SYPL1: variants seen among roughly 807,000 people sequenced by gnomAD.
SYPL1 encodes the protein synaptophysin-like protein 1.
Under a neutral mutation model 23.7 loss-of-function variants are expected in SYPL1, and 6 were observed. The observed-to-expected ratio is 0.25, with a 90% CI of 0.14 to 0.50. The LOEUF (loss-of-function observed/expected upper bound fraction) is 0.50, where lower values mean the gene tolerates loss of function less well. Ranked by LOEUF, SYPL1 falls within the 20% of genes least tolerant of loss-of-function variation. SYPL1 has a pLI of 0.98. For missense variants in SYPL1, 253 were observed against 288.9 expected (o/e 0.88, Z 0.90); for synonymous variants, 102 against 104.5 (o/e 0.98, Z 0.15).
chr7:106,097,566 G>T lies in SYPL1; in HGVS notation c.402+124C>A. The stretch of plus-strand genomic sequence containing the variant: ...TTAATGGGAGAAAGCTCAACCTCGT[G>T]GCAAACACAGGCTAAAATATGCTGA... On this transcript the variant is annotated intron_variant, in intron 3 of 4. Coordinates refer to ENST00000455385, the MANE Select transcript of SYPL1 (RefSeq NM_182715.4). This position sits in a 1 kb window ranked among gnomAD's most constrained non-coding sequence, Gnocchi z 4.6. 1.2e-6 allele frequency: 1 copy of T among 820,000 alleles called. No individual in the cohort carries two copies. Among genetic ancestry groups the T allele is most frequent in the Non-Finnish European group, 1.8e-6 (1 of 560,700 alleles). 50.8% of individuals were successfully genotyped at this position (820,000 alleles called of 1,614,324 possible).
At chr7:106,101,405 T>C (rs1462508942) in intron 1 of SYPL1, among the ~76,000 whole-genome samples, 1 of 122,238 alleles carries the variant, frequency 8.2e-6, no homozygotes, top group African/African-American at 3.2e-5. Context: ...ATCCACATTA[T>C]AGTAATTGTC....
Position 106,099,212 on chromosome 7 carries a change from G to C in SYPL1, c.140C>G (p.Pro47Arg), listed in dbSNP as rs528720225. 1 of 1,613,984 alleles carries C rather than the reference G, an allele frequency of 6.2e-7. No individual in the cohort carries two copies. The highest frequency in any genetic ancestry group is 1.7e-5 in the Admixed American group (1 of 59,992). Residue 47 changes from proline (P) to arginine (R), a missense_variant, in exon 2 of 5, where the codon CCT becomes CGT. Transcript: ENST00000455385. ...KGQTEIQVNC[P>R]PAVTENKTVT... ...AGTTTTATTCTCAGTAACTGCAGGAGGACAATTCACTTGAATTTCTGTTTG... is the reference window on the plus strand; with the variant it reads ...AGTTTTATTCTCAGTAACTGCAGGACGACAATTCACTTGAATTTCTGTTTG...
At chr7:106,103,037 T>C (rs564116531) in intron 1 of SYPL1, among the ~76,000 whole-genome samples, 2 of 152,290 alleles carry the variant, frequency 1.3e-5, no homozygotes, top group African/African-American at 4.8e-5. Context: ...TAGATGAACA[T>C]ATTTATAATA....
Position 106,097,938 on chromosome 7 carries a change from G to T in SYPL1, c.195-41C>A. ...TATGAATTATTGGACTTTCCCAACA[G>T]AGACAGAAACATTTAAGCAAAACAA... On this transcript the variant is annotated intron_variant, in intron 2 of 4. Transcript: ENST00000455385. The surrounding 1 kb of genome is among the most constrained non-coding windows in gnomAD (Gnocchi z 4.6). 1 of 1,531,852 alleles carries T rather than the reference G, an allele frequency of 6.5e-7. No individual in the cohort carries two copies. 94.9% of individuals were successfully genotyped at this position (1,531,852 alleles called of 1,614,324 possible).
chr7:106,098,743 T>C (rs552302153), intron 2 of SYPL1, among the ~76,000 whole-genome samples: 7 of 152,218 alleles, frequency 4.6e-5, no homozygotes, highest in Non-Finnish European at 5.9e-5. Flanking sequence ...CTTAAAACTA[T>C]ATAAAGACAT....
At chr7:106,111,968 C>T in intron 1 of SYPL1, 172 bp downstream of exon 1, 1 of 843,394 alleles carries the variant, frequency 1.2e-6, no homozygotes, top group Non-Finnish European at 1.5e-6. Flanking sequence ...CTCCGCCCCG[C>T]GCGGCCCAGG....
intron 1 of SYPL1, among the ~76,000 whole-genome samples, chr7:106,103,209 C>T (rs578024241): frequency 2.1e-4 from 32 of 152,090 alleles, no homozygotes; most frequent in South Asian, 1.2e-3. Context: ...GGAAGTTATA[C>T]GGCAAAAAAG....
intron 1 of SYPL1, among the ~76,000 whole-genome samples, chr7:106,105,919 C>G (rs1840570493): frequency 6.6e-6 from 1 of 152,072 alleles, no homozygotes; most frequent in Non-Finnish European, 1.5e-5. Flanking sequence ...CAAAATTGAC[C>G]CATGGCTTTA....
intron 2 of SYPL1, 28 bp downstream of exon 2, chr7:106,099,130 T>C (rs1840179269): frequency 2.5e-6 from 4 of 1,588,688 alleles, no homozygotes; most frequent in Admixed American, 1.9e-5. Context: ...AAAAGAGTTG[T>C]GAAACCATTA....
chr7:106,101,454 C>G (rs911521918), intron 1 of SYPL1, among the ~76,000 whole-genome samples: 87 of 6,208 alleles, frequency 0.014, no homozygotes, highest in Non-Finnish European at 0.055. Context: ...CCCCCCCCCC[C>G]CCCCCCCCCC....
chr7:106,111,164 T>A (rs1383523136), intron 1 of SYPL1, among the ~76,000 whole-genome samples: 1 of 152,214 alleles, frequency 6.6e-6, no homozygotes, highest in Non-Finnish European at 1.5e-5. Flanking sequence ...TCAGAGAAAC[T>A]GAGTTTCTAC....
At chr7:106,094,078 A>G (rs1055406691) in intron 3 of SYPL1, among the ~76,000 whole-genome samples, 1 of 152,228 alleles carries the variant, frequency 6.6e-6, no homozygotes, top group Non-Finnish European at 1.5e-5. Context: ...TATATATGCT[A>G]AACATATGCG....
chr7:106,090,758 C>T lies in SYPL1; in HGVS notation c.*1047G>A, dbSNP rs1211290239. On this transcript the variant is annotated 3_prime_UTR_variant, in exon 5 of 5. Transcript: ENST00000455385. ...GACAATACACTCATCATATACCTCACTTAGGTTCCTTTATGATGCATAATT... is the reference window on the plus strand; with the variant it reads ...GACAATACACTCATCATATACCTCATTTAGGTTCCTTTATGATGCATAATT... 6.6e-6 allele frequency: 1 copy of T among 152,256 alleles called. No homozygotes were observed. Among genetic ancestry groups the T allele is most frequent in the Non-Finnish European group, 1.5e-5 (1 of 68,040 alleles). The allele number at this position is 152,256 out of a possible 1,614,324, so 9.4% of individuals were successfully genotyped here.
intron 1 of SYPL1, chr7:106,111,873 C>T (rs1790170568): frequency 4.6e-6 from 1 of 219,412 alleles, no homozygotes; most frequent in African/African-American, 2.3e-5. Context: ...ACGGGGACAC[C>T]CAGAGGGGAG....
At chr7:106,110,071 T>G (rs1790066710) in intron 1 of SYPL1, among the ~76,000 whole-genome samples, 1 of 152,162 alleles carries the variant, frequency 6.6e-6, no homozygotes. Flanking sequence ...TGGGCTTGAA[T>G]GGAATAAACA....
At position 106,104,083 on chromosome 7, in the gene SYPL1, T is replaced by C. The variant is rs1420589244; in HGVS notation, c.70-4801A>G. Among the ~76,000 whole-genome samples the C allele has an allele frequency of 6.6e-6, 1 of 152,244 alleles. No individual in the cohort carries two copies. The highest frequency in any genetic ancestry group is 1.5e-5 in the Non-Finnish European group (1 of 68,042). On this transcript the variant is annotated intron_variant, in intron 1 of 4. Transcript: ENST00000455385. This position sits in a 1 kb window ranked among gnomAD's most constrained non-coding sequence, Gnocchi z 4.1. ...CATGTATTTATGTCTTAAATGTATA[T>C]GCTTCTTCTTCTGGGAATGCCCTGT...
rs1840462078 is a variant in SYPL1, at chr7:106,104,060, T to C, written c.70-4778A>G. 2.0e-5 allele frequency among the ~76,000 whole-genome samples: 3 copies of C among 152,202 alleles called. No individual in the cohort carries two copies. The highest frequency in any genetic ancestry group is 2.9e-5 in the Non-Finnish European group (2 of 68,034). ...TGCTTACTGTTCCTGAAACATACCA[T>C]GTATTTATGTCTTAAATGTATATGC... is the stretch of plus-strand genomic sequence containing the variant. On this transcript the variant is annotated intron_variant, in intron 1 of 4. Coordinates refer to ENST00000455385, the MANE Select transcript of SYPL1 (RefSeq NM_182715.4). The surrounding 1 kb of genome is among the most constrained non-coding windows in gnomAD (Gnocchi z 4.1).
intron 2 of SYPL1, 90 bp downstream of exon 2, chr7:106,099,068 C>T (rs574901673): frequency 3.3e-6 from 5 of 1,497,336 alleles, no homozygotes; most frequent in African/African-American, 2.8e-5. Flanking sequence ...AAATTTTCTA[C>T]CCCCCACAAT....
Position 106,098,960 on chromosome 7 carries a change from C to T in SYPL1, c.194+198G>A, listed in dbSNP as rs569541931. Among the ~76,000 whole-genome samples the T allele has an allele frequency of 9.2e-5, 14 of 152,326 alleles. No homozygotes were observed. The East Asian group carries it at 1.2e-3, about 13-fold the overall frequency. On this transcript the variant is annotated intron_variant, in intron 2 of 4. Transcript: ENST00000455385. ...TAAATGCTTACTCTCACTTTCTGTA[C>T]TATTTTGTCACAGATCAGGAGATGT...
Sources: gnomAD v4.1 joint callset for allele counts (sites outside exome capture counted in the v4.1 genomes callset) on GRCh38, gnomAD v4.1.1 for gene constraint, Gnocchi (gnomAD v3.1) non-coding constraint, MANE v1.5 for transcripts, NCBI Gene and HGNC (gene_info 2026-07-23, HGNC 2026-07-21) for gene names.